SMARCC1: variants seen among roughly 807,000 people sequenced by gnomAD.
SMARCC1 encodes SWI/SNF complex subunit SMARCC1.
In SMARCC1, 43 loss-of-function variants were observed where a neutral mutation model predicts 147.4. That is an observed-to-expected ratio of 0.29 (90% confidence interval 0.23 to 0.38). The LOEUF is 0.38. Ranked by LOEUF, SMARCC1 falls within the 10% of genes least tolerant of loss-of-function variation. SMARCC1 has a pLI of 1.00. For synonymous variants in SMARCC1, 495 were observed against 484.4 expected (o/e 1.02, Z -0.29); for missense variants, 1,119 against 1,381.1 (o/e 0.81, Z 3.01).
At position 47,710,665 on chromosome 3, in the gene SMARCC1, C is replaced by A; in HGVS notation, c.918+18G>T. On this transcript the variant is annotated intron_variant, in intron 9 of 27. Coordinates refer to ENST00000254480, the MANE Select transcript of SMARCC1 (RefSeq NM_003074.4). ...AGAAGACAGACTTAATGATGAGAAA[C>A]TGTGCCAAAGAAAATACCTCTTCAT... The A allele has an allele frequency of 6.2e-7, 1 of 1,610,840 alleles. No individual in the cohort carries two copies. The highest frequency in any genetic ancestry group is 8.5e-7 in the Non-Finnish European group (1 of 1,178,734).
chr3:47,633,124 T>C (rs1158134015), intron 24 of SMARCC1, among the ~76,000 whole-genome samples: 10 of 152,154 alleles, frequency 6.6e-5, no homozygotes, highest in Non-Finnish European at 1.5e-4. Flanking sequence ...GTGGGCCCAG[T>C]TTGTCAAAAA....
At chr3:47,777,441 C>CCAGT (rs2034989460) in intron 1 of SMARCC1, among the ~76,000 whole-genome samples, 1 of 151,754 alleles carries the variant, frequency 6.6e-6, no homozygotes, top group Admixed American at 6.6e-5. Context: ...GACTGTAATC[C>CCAGT]CAGTACTTTG....
chr3:47,690,157 T>C (rs1169178999), intron 12 of SMARCC1, among the ~76,000 whole-genome samples: 2 of 151,838 alleles, frequency 1.3e-5, no homozygotes, highest in African/African-American at 4.8e-5. Flanking sequence ...GGAGTAGAAG[T>C]CCAGCCTGGG....
At chr3:47,703,197 G>C (rs943121411) in intron 10 of SMARCC1, among the ~76,000 whole-genome samples, 6 of 152,188 alleles carry the variant, frequency 3.9e-5, no homozygotes, top group Admixed American at 3.9e-4. Flanking sequence ...GCCTCCCAAA[G>C]TGCTAGGATT....
chr3:47,723,065 A>T (rs1023003059), intron 6 of SMARCC1, among the ~76,000 whole-genome samples: 8 of 152,172 alleles, frequency 5.3e-5, no homozygotes, highest in Admixed American at 3.9e-4. Context: ...TTGGTGTGTG[A>T]GAGTTAGATA....
Position 47,685,836 on chromosome 3 carries a change from G to A in SMARCC1, c.1385+213C>T, listed in dbSNP as rs138430007. On this transcript the variant is annotated intron_variant, in intron 14 of 27. Coordinates refer to ENST00000254480, the MANE Select transcript of SMARCC1 (RefSeq NM_003074.4). The stretch of plus-strand genomic sequence containing the variant: ...CATACCACTGCATTCTAGCCAGGGT[G>A]ACAAAGCAAGACTCTGTCTCAACAA... 2.6e-5 allele frequency among the ~76,000 whole-genome samples: 4 copies of A among 152,212 alleles called. No individual in the cohort carries two copies. In the East Asian group the frequency reaches 5.8e-4, roughly 22 times the overall value.
In SMARCC1 at chr3:47,766,658, T is replaced by C. The variant is rs185146651; in HGVS notation, c.315+6159A>G. On this transcript the variant is annotated intron_variant, in intron 2 of 27. Transcript: ENST00000254480. ...CACACGTACTAAAGCCTTGGAGGGCTTGTGGGAAAATTAGAAACTTTACTT... is the reference window on the plus strand; with the variant it reads ...CACACGTACTAAAGCCTTGGAGGGCCTGTGGGAAAATTAGAAACTTTACTT... Among the ~76,000 whole-genome samples the C allele has an allele frequency of 7.0e-4, 107 of 152,350 alleles. 1 individual carries two copies. Among genetic ancestry groups the C allele is most frequent in the African/African-American group, 2.5e-3 (103 of 41,594 alleles).
At chr3:47,684,042 G>C (rs2033688365) in intron 14 of SMARCC1, among the ~76,000 whole-genome samples, 1 of 152,146 alleles carries the variant, frequency 6.6e-6, no homozygotes, top group Admixed American at 6.5e-5. Flanking sequence ...CACGAGGTCA[G>C]GAGATCGAGA....
intron 17 of SMARCC1, 22 bp from the exon 18 acceptor site, chr3:47,675,610 T>C (rs2106754894): frequency 1.6e-6 from 2 of 1,277,948 alleles, no homozygotes; most frequent in Non-Finnish European, 2.3e-6. Context: ...AAATGATAAA[T>C]GGCTGAGTTA....
chr3:47,636,741 G>A (rs1298125392), intron 22 of SMARCC1, among the ~76,000 whole-genome samples: 3 of 151,956 alleles, frequency 2.0e-5, no homozygotes, highest in Admixed American at 6.6e-5. Flanking sequence ...GGCAGCAAGA[G>A]TGAGACTCCA....
chr3:47,667,108 G>A (rs2033429620), intron 19 of SMARCC1, among the ~76,000 whole-genome samples: 1 of 152,126 alleles, frequency 6.6e-6, no homozygotes, highest in Non-Finnish European at 1.5e-5. Context: ...ACGAGGTCAG[G>A]AGATCGAGAC....
At chr3:47,644,596 C>G (rs1162559970) in intron 21 of SMARCC1, among the ~76,000 whole-genome samples, 4 of 152,184 alleles carry the variant, frequency 2.6e-5, no homozygotes, top group Non-Finnish European at 5.9e-5. Context: ...CAACCCCTGT[C>G]TCCCAGGTTC....
rs762906003 is a variant in SMARCC1, at chr3:47,635,295, T to G, written c.2541A>C (p.Glu847Asp). 2 of 1,613,162 alleles carry G rather than the reference T, an allele frequency of 1.2e-6. No homozygotes were observed. Among genetic ancestry groups the G allele is most frequent in the South Asian group, 2.2e-5 (2 of 91,042 alleles). The change falls in exon 24 of 28, where the codon GAA becomes GAC. Residue 847 changes from glutamate to aspartate, a missense_variant. This residue lies in a region of SMARCC1 where 157 missense variants were observed against 158.6 expected (regional missense o/e 0.99). Coordinates refer to ENST00000254480, the MANE Select transcript of SMARCC1 (RefSeq NM_003074.4). ...TCTTCTTCCCAGTATCACTTTCTCT[T>G]TCTTTACATGTATCAGTGAGTTCTT... The part of the protein sequence containing the change: ...ENKELTDTCK[E>D]RESDTGKKKV...
At position 47,767,335 on chromosome 3, in the gene SMARCC1, G is replaced by A. The variant is rs1486534537; in HGVS notation, c.315+5482C>T. On this transcript the variant is annotated intron_variant, in intron 2 of 27. Coordinates refer to ENST00000254480, the MANE Select transcript of SMARCC1 (RefSeq NM_003074.4). ...GGCTCACTATAAACTCCACCTCCCG[G>A]GTTCAAGTGATTCTCCTGCCTCGGC... is the stretch of plus-strand genomic sequence containing the variant. Among the ~76,000 whole-genome samples, 15 of 147,352 alleles carry A rather than the reference G, an allele frequency of 1.0e-4. No homozygotes were observed. In the East Asian group the frequency reaches 2.8e-3, roughly 27 times the overall value.
chr3:47,731,530 T>C (rs1404552060), intron 5 of SMARCC1, among the ~76,000 whole-genome samples: 2 of 152,216 alleles, frequency 1.3e-5, no homozygotes, highest in East Asian at 1.9e-4. Flanking sequence ...CCCAGATCCA[T>C]CATAAGAACC....
chr3:47,626,232 C>T (rs567622534), intron 24 of SMARCC1, among the ~76,000 whole-genome samples: 3 of 151,732 alleles, frequency 2.0e-5, no homozygotes, highest in South Asian at 2.1e-4. Flanking sequence ...CTGTAACCTC[C>T]GCCTTCTAGG....
At chr3:47,716,996 T>G (rs2034163026) in intron 7 of SMARCC1, among the ~76,000 whole-genome samples, 1 of 152,198 alleles carries the variant, frequency 6.6e-6, no homozygotes, top group African/African-American at 2.4e-5. Context: ...TCAATTATGG[T>G]TCACATGAGA....
rs2032103517 is a variant in SMARCC1, at chr3:47,588,125, C to T, written c.*84G>A. 1 of 1,128,300 alleles carries T rather than the reference C, an allele frequency of 8.9e-7. No individual in the cohort carries two copies. The highest frequency in any genetic ancestry group is 1.3e-6 in the Non-Finnish European group (1 of 763,320). 69.9% of individuals were successfully genotyped at this position (1,128,300 alleles called of 1,614,324 possible). A position where few individuals can be genotyped will look rare whatever the true frequency, so the allele number is the denominator to read the frequency against. ...GTGAGAAGAAAAATCCTGAAAGAAA[C>T]CCAAGAAAGTTGAGGAACACAAGTC... On this transcript the variant is annotated 3_prime_UTR_variant, in exon 28 of 28. Transcript: ENST00000254480.
At chr3:47,649,348 G>A (rs2033158025) in intron 21 of SMARCC1, among the ~76,000 whole-genome samples, 1 of 152,226 alleles carries the variant, frequency 6.6e-6, no homozygotes, top group Non-Finnish European at 1.5e-5. Context: ...AATTCTAACA[G>A]TCATTTCTGG....
Sources: gnomAD v4.1 joint callset for allele counts (sites outside exome capture counted in the v4.1 genomes callset) on GRCh38, gnomAD v4.1.1 for gene constraint, gnomAD v4.1.1 regional missense constraint, MANE v1.5 for transcripts, NCBI Gene and HGNC (gene_info 2026-07-23, HGNC 2026-07-21) for gene names.